The following NRXN3 variants were observed in gnomAD, a reference collection of about 807,000 sequenced individuals.
NRXN3 encodes the protein neurexin III.
Under a neutral mutation model 137.6 loss-of-function variants are expected in NRXN3, and 32 were observed. The observed-to-expected ratio is 0.23, with a 90% CI of 0.18 to 0.31. The LOEUF (loss-of-function observed/expected upper bound fraction) is 0.31, where lower values mean the gene tolerates loss of function less well. Among genes scored for constraint, NRXN3 ranks in the 10% least tolerant of loss-of-function variants. NRXN3 has a pLI of 1.00. For synonymous variants in NRXN3, 798 were observed against 784.5 expected, an observed-to-expected ratio of 1.02 and a Z score of -0.29; for missense variants, 1,574 against 2,062.5, an observed-to-expected ratio of 0.76 and a Z score of 4.59.
chr14:78,958,805 G>A (rs185884227), intron 11 of NRXN3, among the ~76,000 whole-genome samples: 483 of 152,276 alleles, frequency 3.2e-3, no homozygotes, highest in Admixed American at 4.8e-3. Flanking sequence ...GGGCCCTGAC[G>A]TTAACTTGCA....
In NRXN3 at chr14:79,208,708, T is replaced by G. The variant is rs149866625; in HGVS notation, c.3262+220567T>G. Among the ~76,000 whole-genome samples the G allele has an allele frequency of 1.2e-3, 185 of 152,320 alleles. 1 individual carries two copies. The highest frequency in any genetic ancestry group is 3.9e-3 in the African/African-American group (161 of 41,582). On this transcript the variant is annotated intron_variant, in intron 15 of 20. Coordinates refer to ENST00000335750, the MANE Select transcript of NRXN3 (RefSeq NM_001330195.2). ...ACTCAATTTTATTGGATATAACAGT[T>G]ATTTTTCAATTTCTATTATGACAAA... is the stretch of plus-strand genomic sequence containing the variant.
intron 15 of NRXN3, among the ~76,000 whole-genome samples, chr14:78,995,137 A>G (rs936502455): frequency 6.6e-6 from 1 of 152,238 alleles, no homozygotes; most frequent in African/African-American, 2.4e-5. Flanking sequence ...TTCACAGACA[A>G]TCAAACTGCA....
intron 6 of NRXN3, among the ~76,000 whole-genome samples, chr14:78,653,862 A>G (rs1176970830): frequency 3.3e-5 from 5 of 152,166 alleles, no homozygotes; most frequent in Admixed American, 3.3e-4. Context: ...AACTATAATC[A>G]GTGATGTCAA....
At chr14:78,380,741 A>G (rs2088919943) in intron 4 of NRXN3, among the ~76,000 whole-genome samples, 1 of 151,868 alleles carries the variant, frequency 6.6e-6, no homozygotes, top group Admixed American at 6.6e-5. Flanking sequence ...TACAGTAGTC[A>G]CAGACACTAA....
At chr14:78,322,020 A>G (rs565542415) in intron 4 of NRXN3, among the ~76,000 whole-genome samples, 6 of 151,454 alleles carry the variant, frequency 4.0e-5, no homozygotes, top group African/African-American at 1.5e-4. Flanking sequence ...CTAGGATCAC[A>G]CTCCCATTCC....
At chr14:79,726,734 A>G (rs887914640) in intron 19 of NRXN3, among the ~76,000 whole-genome samples, 3 of 152,208 alleles carry the variant, frequency 2.0e-5, no homozygotes, top group African/African-American at 4.8e-5. Flanking sequence ...GACCACTGGC[A>G]TAAAAGCCTT....
intron 15 of NRXN3, among the ~76,000 whole-genome samples, chr14:79,287,668 G>C (rs184745311): frequency 2.7e-4 from 41 of 152,284 alleles, no homozygotes; most frequent in Admixed American, 7.2e-4. Flanking sequence ...AATTGACTTT[G>C]TGAAGCCTGA....
At chr14:79,496,396 C>A (rs755878907) in intron 16 of NRXN3, among the ~76,000 whole-genome samples, 4 of 152,004 alleles carry the variant, frequency 2.6e-5, no homozygotes. Context: ...AATAGATTCC[C>A]CCTGGATACT....
At chr14:78,433,430 A>G (rs1228114178) in intron 4 of NRXN3, among the ~76,000 whole-genome samples, 1 of 152,062 alleles carries the variant, frequency 6.6e-6, no homozygotes, top group Non-Finnish European at 1.5e-5. Flanking sequence ...GGACTGCCGT[A>G]ACAAGCTGGG....
At chr14:78,767,120 G>T (rs1288968593) in intron 8 of NRXN3, among the ~76,000 whole-genome samples, 1 of 152,152 alleles carries the variant, frequency 6.6e-6, no homozygotes, top group Non-Finnish European at 1.5e-5. Flanking sequence ...ACTGCACAAA[G>T]ATGCAATCAA....
intron 8 of NRXN3, among the ~76,000 whole-genome samples, chr14:78,743,652 CAT>C: frequency 6.6e-6 from 1 of 152,248 alleles, no homozygotes; most frequent in South Asian, 2.1e-4. Context: ...CTTAGCTGAA[CAT>C]AGTTTCTTAA....
intron 15 of NRXN3, among the ~76,000 whole-genome samples, chr14:79,031,410 A>C (rs188603777): frequency 0.012 from 1,752 of 152,262 alleles, 14 homozygotes; most frequent in Non-Finnish European, 0.018. Flanking sequence ...TAAAATCAAT[A>C]ATTTTTAGAG....
At chr14:78,993,911 G>A (rs1423573975) in intron 15 of NRXN3, among the ~76,000 whole-genome samples, 3 of 138,894 alleles carry the variant, frequency 2.2e-5, no homozygotes, top group African/African-American at 5.4e-5. Flanking sequence ...TTGCAGTGGT[G>A]CGATCTCAGT....
intron 15 of NRXN3, among the ~76,000 whole-genome samples, chr14:79,082,008 G>A (rs1468400840): frequency 6.6e-6 from 1 of 151,296 alleles, no homozygotes; most frequent in Non-Finnish European, 1.5e-5. Flanking sequence ...AGAGGGGAAG[G>A]CATAAATATA....
At chr14:79,841,939 A>T (rs2099356686) in intron 20 of NRXN3, among the ~76,000 whole-genome samples, 6 of 152,250 alleles carry the variant, frequency 3.9e-5, no homozygotes. Flanking sequence ...ATAAAACAGA[A>T]TTGTGAATGC....
intron 1 of NRXN3, among the ~76,000 whole-genome samples, chr14:78,193,962 C>A (rs2060986397): frequency 6.6e-6 from 1 of 152,136 alleles, no homozygotes; most frequent in Admixed American, 6.5e-5. Flanking sequence ...TAGTGCCCAT[C>A]CTCTGCGGCT....
At chr14:78,186,188 G>C (rs901316642) in intron 1 of NRXN3, among the ~76,000 whole-genome samples, 1 of 152,246 alleles carries the variant, frequency 6.6e-6, no homozygotes, top group Non-Finnish European at 1.5e-5. Flanking sequence ...AGGAGAGGCA[G>C]AGTGAAAGGG....
At chr14:79,385,121 A>G (rs1235351361) in intron 15 of NRXN3, among the ~76,000 whole-genome samples, 1 of 151,444 alleles carries the variant, frequency 6.6e-6, no homozygotes, top group Non-Finnish European at 1.5e-5. Context: ...CAGGTTAGTT[A>G]CATATGTATA....
intron 8 of NRXN3, among the ~76,000 whole-genome samples, chr14:78,739,567 G>A (rs139412112): frequency 6.6e-6 from 1 of 152,140 alleles, no homozygotes; most frequent in Non-Finnish European, 1.5e-5. Flanking sequence ...CGCCTCCCGG[G>A]TTCAAGCGAT....
Sources: gnomAD v4.1 joint callset for allele counts (sites outside exome capture counted in the v4.1 genomes callset) on GRCh38, gnomAD v4.1.1 for gene constraint, MANE v1.5 for transcripts, NCBI Gene and HGNC (gene_info 2026-07-23, HGNC 2026-07-21) for gene names.